Variants in VEGFC observed in about 807,000 individuals in gnomAD.
VEGFC encodes vascular endothelial growth factor C, also known as FLT4 ligand DHM.
In VEGFC, 12 loss-of-function variants were observed where a neutral mutation model predicts 46.1. The ratio of observed to expected loss-of-function variants is 0.26; its 90% CI spans 0.17 to 0.42. VEGFC has a LOEUF of 0.42. VEGFC is among the 10% of genes least tolerant of loss of function. The probability of loss-of-function intolerance (pLI) is 1.00; values close to 1 mark genes in which losing one functional copy is unlikely to be tolerated. For missense variants in VEGFC, 488 were observed against 529.4 expected (o/e 0.92, Z 0.77); for synonymous variants, 232 against 195.5 (o/e 1.19, Z -1.56).
intron 1 of VEGFC, among the ~76,000 whole-genome samples, chr4:176,770,858 C>G (rs1409257476): frequency 6.6e-6 from 1 of 151,968 alleles, no homozygotes; most frequent in Non-Finnish European, 1.5e-5. Flanking sequence ...CTCTTCCATC[C>G]ACAGGGAATC....
intron 1 of VEGFC, among the ~76,000 whole-genome samples, chr4:176,787,941 T>G (rs1165458883): frequency 6.6e-6 from 1 of 152,234 alleles, no homozygotes; most frequent in African/African-American, 2.4e-5. Flanking sequence ...TACAAATATG[T>G]GTTTGTAACA....
At chr4:176,777,915 T>A (rs1326104712) in intron 1 of VEGFC, among the ~76,000 whole-genome samples, 2 of 77,692 alleles carry the variant, frequency 2.6e-5, no homozygotes, top group Admixed American at 1.7e-4. Flanking sequence ...CAAGACTTTG[T>A]CTCAAAAAAA....
intron 3 of VEGFC, among the ~76,000 whole-genome samples, chr4:176,720,217 G>A (rs2111007893): frequency 6.6e-6 from 1 of 152,188 alleles, no homozygotes; most frequent in Admixed American, 6.5e-5. Context: ...CTTCTCTTGT[G>A]ATACATCAAT....
At chr4:176,782,451 G>A (rs568600314) in intron 1 of VEGFC, among the ~76,000 whole-genome samples, 11 of 150,092 alleles carry the variant, frequency 7.3e-5, no homozygotes, top group Admixed American at 2.6e-4. Flanking sequence ...GAAATAGAGT[G>A]AGGCCTGTCT....
At chr4:176,737,496 T>G (rs951356421) in intron 1 of VEGFC, among the ~76,000 whole-genome samples, 4 of 150,634 alleles carry the variant, frequency 2.7e-5, no homozygotes, top group African/African-American at 9.7e-5. Flanking sequence ...ATAATTTATG[T>G]CTTTTAGTGT....
chr4:176,752,104 T>C (rs1397199991), intron 1 of VEGFC, among the ~76,000 whole-genome samples: 1 of 152,096 alleles, frequency 6.6e-6, no homozygotes, highest in African/African-American at 2.4e-5. Context: ...TTTTTAATTT[T>C]CCATGAAATT....
intron 5 of VEGFC, 92 bp from the exon 6 acceptor site, chr4:176,687,612 T>G: frequency 2.3e-6 from 3 of 1,298,248 alleles, no homozygotes; most frequent in Non-Finnish European, 2.1e-6. Flanking sequence ...TCCTTTTGTA[T>G]GTTTTCCATC....
At position 176,767,123 on chromosome 4, in the gene VEGFC, T is replaced by TA. The variant is rs70964805; in HGVS notation, c.147+25041dup. 7.9e-3 allele frequency among the ~76,000 whole-genome samples: 397 copies of TA among 50,486 alleles called. 6 individuals carry two copies. The highest frequency in any genetic ancestry group is 0.01 in the Non-Finnish European group (292 of 28,752). 33.1% of individuals were successfully genotyped at this position (50,486 alleles called of 152,430 possible). A position where few individuals can be genotyped will look rare whatever the true frequency, so the allele number is the denominator to read the frequency against. The stretch of plus-strand genomic sequence containing the variant: ...ATCATGTAAAGGAATTGTAGAAATC[T>TA]AAAAAAAAAAAAAAAAAAAAACAAC... On this transcript the variant is annotated intron_variant, in intron 1 of 6. Transcript: ENST00000618562.
chr4:176,781,334 A>C (rs1735911433), intron 1 of VEGFC, among the ~76,000 whole-genome samples: 1 of 152,224 alleles, frequency 6.6e-6, no homozygotes, highest in African/African-American at 2.4e-5. Flanking sequence ...AGCAAACATG[A>C]ATCTCAGTAA....
chr4:176,705,636 A>T (rs1161360246), intron 4 of VEGFC, among the ~76,000 whole-genome samples: 1 of 152,220 alleles, frequency 6.6e-6, no homozygotes, highest in East Asian at 1.9e-4. Flanking sequence ...GTTAGTAAAA[A>T]TAGTAGCGAT....
At chr4:176,746,683 C>A (rs1276371261) in intron 1 of VEGFC, among the ~76,000 whole-genome samples, 1 of 152,080 alleles carries the variant, frequency 6.6e-6, no homozygotes, top group South Asian at 2.1e-4. Flanking sequence ...TGCTAAACAG[C>A]CTTTTGATTG....
intron 1 of VEGFC, among the ~76,000 whole-genome samples, chr4:176,735,140 T>C (rs894775689): frequency 4.0e-5 from 6 of 151,862 alleles, no homozygotes; most frequent in African/African-American, 7.2e-5. Flanking sequence ...CATCACTTTC[T>C]AACTGTAAAA....
In VEGFC at chr4:176,792,737, C is replaced by T. The variant is rs916350329; in HGVS notation, c.-426G>A. 2.6e-5 allele frequency: 4 copies of T among 150,976 alleles called. No individual in the cohort carries two copies. Among genetic ancestry groups the T allele is most frequent in the African/African-American group, 9.7e-5 (4 of 41,204 alleles). The allele number at this position is 150,976 out of a possible 1,614,324, so 9.4% of individuals were successfully genotyped here. On this transcript the variant is annotated 5_prime_UTR_variant, in exon 1 of 7. Coordinates refer to ENST00000618562, the MANE Select transcript of VEGFC (RefSeq NM_005429.5). This position sits in a 1 kb window ranked among gnomAD's most constrained non-coding sequence, Gnocchi z 6.3. ...CCTCGTCCCCCTCCTCCCTCCCCTT[C>T]CCCGAAGTGAGAGGAGCCGGGCCGC...
intron 1 of VEGFC, among the ~76,000 whole-genome samples, chr4:176,740,190 T>A (rs1184724675): frequency 8.1e-6 from 1 of 123,056 alleles, no homozygotes; most frequent in Non-Finnish European, 1.6e-5. Flanking sequence ...TATAACTATA[T>A]ATTCTATATA....
intron 1 of VEGFC, among the ~76,000 whole-genome samples, chr4:176,785,401 T>C (rs62328331): frequency 0.02 from 2,990 of 152,330 alleles, 50 homozygotes; most frequent in Middle Eastern, 0.037. Context: ...AAGTTGTGCA[T>C]TTGAATATTT....
At chr4:176,790,981 T>C (rs1003065981) in intron 1 of VEGFC, among the ~76,000 whole-genome samples, 28 of 152,314 alleles carry the variant, frequency 1.8e-4, no homozygotes, top group African/African-American at 6.5e-4. Context: ...TTATTACACA[T>C]TCCAACATTT....
At chr4:176,692,251 G>A (rs1339664367) in intron 4 of VEGFC, among the ~76,000 whole-genome samples, 3 of 140,150 alleles carry the variant, frequency 2.1e-5, no homozygotes, top group East Asian at 2.0e-4. Context: ...AAAATTAGCC[G>A]GGCGTAGTGG....
chr4:176,763,043 C>T (rs2333512), intron 1 of VEGFC, among the ~76,000 whole-genome samples: 125,653 of 152,234 alleles, frequency 0.83, 53,442 homozygotes, highest in East Asian at 1. Context: ...AAATCTCCTC[C>T]TTGGGATATA....
intron 4 of VEGFC, among the ~76,000 whole-genome samples, chr4:176,700,285 C>T (rs1336009840): frequency 6.6e-6 from 1 of 151,912 alleles, no homozygotes; most frequent in East Asian, 1.9e-4. Flanking sequence ...GGTGTGGTGG[C>T]ACGTGCTTGT....
Sources: gnomAD v4.1 joint callset for allele counts (sites outside exome capture counted in the v4.1 genomes callset) on GRCh38, gnomAD v4.1.1 for gene constraint, Gnocchi (gnomAD v3.1) non-coding constraint, MANE v1.5 for transcripts, NCBI Gene and HGNC (gene_info 2026-07-23, HGNC 2026-07-21) for gene names.